Variants in SLC25A26 observed in about 807,000 individuals in gnomAD.
SLC25A26 encodes the protein solute carrier family 25 member 26, also known as mitochondrial S-adenosylmethionine carrier protein.
Under a neutral mutation model 37.8 loss-of-function variants are expected in SLC25A26, and 36 were observed. That is an observed-to-expected ratio of 0.95 (90% CI 0.73 to 1.26). The LOEUF (loss-of-function observed/expected upper bound fraction) is 1.26, where lower values mean the gene tolerates loss of function less well. SLC25A26 is among the 50% of genes most tolerant of loss of function. The probability of loss-of-function intolerance (pLI) is 0.00; values close to 1 mark genes in which losing one functional copy is unlikely to be tolerated. For missense variants in SLC25A26, 390 were observed against 331.1 expected (o/e 1.18, Z -1.38); for synonymous variants, 129 against 122.5 (o/e 1.05, Z -0.35).
intron 5 of SLC25A26, among the ~76,000 whole-genome samples, chr3:66,313,683 A>G (rs2075447745): frequency 6.6e-6 from 1 of 152,170 alleles, no homozygotes; most frequent in South Asian, 2.1e-4. Flanking sequence ...TAATGGAAAT[A>G]GCATTGAATC....
At chr3:66,292,424 A>T (rs1288171394) in intron 5 of SLC25A26, among the ~76,000 whole-genome samples, 1 of 152,156 alleles carries the variant, frequency 6.6e-6, no homozygotes, top group Non-Finnish European at 1.5e-5. Context: ...ATGTTTTTGC[A>T]GTGGCTGGTA....
chr3:66,288,547 A>G (rs140201784), intron 5 of SLC25A26, among the ~76,000 whole-genome samples: 2,221 of 151,852 alleles, frequency 0.015, 61 homozygotes, highest in African/African-American at 0.05. Flanking sequence ...TCATTGTTCA[A>G]CTCCCACTTA....
chr3:66,264,618 T>A (rs1233270219), intron 5 of SLC25A26, among the ~76,000 whole-genome samples: 1 of 152,184 alleles, frequency 6.6e-6, no homozygotes, highest in African/African-American at 2.4e-5. Flanking sequence ...ATCTAATGCA[T>A]GATGATCGGA....
intron 1 of SLC25A26, among the ~76,000 whole-genome samples, chr3:66,148,225 C>T (rs2070148517): frequency 6.6e-6 from 1 of 152,126 alleles, no homozygotes; most frequent in South Asian, 2.1e-4. Flanking sequence ...CCTTTGCCCA[C>T]TTTTTGATGG....
At chr3:66,344,928 C>T (rs115806593) in intron 5 of SLC25A26, among the ~76,000 whole-genome samples, 2,511 of 152,308 alleles carry the variant, frequency 0.016, 32 homozygotes, top group Middle Eastern at 0.058. Context: ...TTAGGCGTTA[C>T]ACAGCGTCTT....
intron 5 of SLC25A26, among the ~76,000 whole-genome samples, chr3:66,322,629 C>T (rs1413532291): frequency 6.6e-6 from 1 of 152,166 alleles, no homozygotes; most frequent in Non-Finnish European, 1.5e-5. Context: ...TAAAATGATT[C>T]AGTGACAACA....
chr3:66,353,277 C>G (rs571357397), intron 6 of SLC25A26, among the ~76,000 whole-genome samples: 1 of 152,142 alleles, frequency 6.6e-6, no homozygotes, highest in African/African-American at 2.4e-5. Flanking sequence ...CAACATTTTT[C>G]AAAGCTACAG....
intron 1 of SLC25A26, among the ~76,000 whole-genome samples, chr3:66,147,769 T>A (rs1472811795): frequency 6.6e-6 from 1 of 151,902 alleles, no homozygotes; most frequent in African/African-American, 2.4e-5. Flanking sequence ...TGACTTTTTC[T>A]TTTTTTTGAG....
chr3:66,183,463 A>C (rs569351266), intron 1 of SLC25A26, among the ~76,000 whole-genome samples: 1 of 151,894 alleles, frequency 6.6e-6, no homozygotes, highest in South Asian at 2.1e-4. Context: ...CGTGTCCCCG[A>C]ACATATGGCC....
chr3:66,357,278 A>C (rs959242593), intron 6 of SLC25A26, among the ~76,000 whole-genome samples: 4 of 152,174 alleles, frequency 2.6e-5, no homozygotes, highest in Non-Finnish European at 4.4e-5. Context: ...GCCGGGCATG[A>C]TGGCCCTTGC....
chr3:66,329,898 T>C (rs2075930743), intron 5 of SLC25A26, among the ~76,000 whole-genome samples: 1 of 152,202 alleles, frequency 6.6e-6, no homozygotes, highest in African/African-American at 2.4e-5. Context: ...TAAATTAACT[T>C]CTAGATTTAA....
chr3:66,174,562 CG>C (rs1036299967), intron 1 of SLC25A26, among the ~76,000 whole-genome samples: 4 of 152,108 alleles, frequency 2.6e-5, no homozygotes, highest in Non-Finnish European at 5.9e-5. Context: ...GGGCGGATCA[CG>C]AGGTCAGGAA....
chr3:66,357,005 T>TG (rs1431260797), intron 6 of SLC25A26, among the ~76,000 whole-genome samples: 4 of 152,234 alleles, frequency 2.6e-5, no homozygotes, highest in African/African-American at 9.6e-5. Context: ...CTAGTAGACA[T>TG]GGTTTCTAAT....
chr3:66,332,216 G>A (rs1363380724), intron 5 of SLC25A26, among the ~76,000 whole-genome samples: 1 of 152,100 alleles, frequency 6.6e-6, no homozygotes, highest in Non-Finnish European at 1.5e-5. Flanking sequence ...GAGATTACAG[G>A]CGTGAGCCAC....
chr3:66,231,308 T>C (rs1270549833), intron 1 of SLC25A26, among the ~76,000 whole-genome samples: 1 of 152,156 alleles, frequency 6.6e-6, no homozygotes, highest in Non-Finnish European at 1.5e-5. Context: ...TTGAGGTTCT[T>C]AGTTACCGTT....
At chr3:66,225,038 T>C (rs1039961415) in intron 1 of SLC25A26, among the ~76,000 whole-genome samples, 1 of 152,136 alleles carries the variant, frequency 6.6e-6, no homozygotes, top group African/African-American at 2.4e-5. Flanking sequence ...TGGCATTCAG[T>C]GTCTGTAGCT....
At chr3:66,278,826 C>T (rs1462661948) in intron 5 of SLC25A26, among the ~76,000 whole-genome samples, 4 of 152,192 alleles carry the variant, frequency 2.6e-5, no homozygotes, top group Non-Finnish European at 5.9e-5. Flanking sequence ...ACTATACTTT[C>T]ATTGTACATT....
At position 66,234,552 on chromosome 3, in the gene SLC25A26, A is replaced by C. The variant is rs553851461; in HGVS notation, c.34-1992A>C. ...TGGGCTGATCATGAAGTATAGTATT[A>C]CTATTTATAGTAATGTACTTGTCTA... On this transcript the variant is annotated intron_variant, in intron 1 of 9. Transcript: ENST00000354883. Among the ~76,000 whole-genome samples the C allele has an allele frequency of 3.3e-5, 5 of 152,272 alleles. No individual in the cohort carries two copies. The East Asian group carries it at 9.6e-4, about 29-fold the overall frequency.
chr3:66,178,408 C>G (rs1320857521), intron 1 of SLC25A26, among the ~76,000 whole-genome samples: 2 of 152,198 alleles, frequency 1.3e-5, no homozygotes, highest in Non-Finnish European at 2.9e-5. Flanking sequence ...CCATCCCCGC[C>G]TCCTGGGGCA....
Sources: gnomAD v4.1 joint callset for allele counts (sites outside exome capture counted in the v4.1 genomes callset) on GRCh38, gnomAD v4.1.1 for gene constraint, MANE v1.5 for transcripts, NCBI Gene and HGNC (gene_info 2026-07-23, HGNC 2026-07-21) for gene names.